Variants in TENM2 observed in about 807,000 individuals in gnomAD.
TENM2 encodes teneurin-2.
A neutral mutation model predicts 245.2 loss-of-function variants in TENM2; 52 were observed. The ratio of observed to expected loss-of-function variants is 0.21; its 90% CI spans 0.17 to 0.27. The LOEUF is 0.27. Among genes scored for constraint, TENM2 ranks in the 10% least tolerant of loss-of-function variants. The probability of loss-of-function intolerance (pLI) is 1.00; values close to 1 mark genes in which losing one functional copy is unlikely to be tolerated. For missense variants in TENM2, 3,046 were observed against 3,666.8 expected (o/e 0.83, Z 4.37); for synonymous variants, 1,363 against 1,438.9 (o/e 0.95, Z 1.19).
chr5:167,114,148 T>C, the TENM2 span, among the ~76,000 whole-genome samples: 2 of 152,208 alleles, frequency 1.3e-5, no homozygotes, highest in African/African-American at 4.8e-5. Context: ...ATTTTGTTTT[T>C]TTGTTCTCCA....
chr5:167,007,096 C>G, the TENM2 span, among the ~76,000 whole-genome samples: 1 of 152,316 alleles, frequency 6.6e-6, no homozygotes, highest in South Asian at 2.1e-4. The surrounding 1 kb of genome is among the most constrained non-coding windows in gnomAD (Gnocchi z 4.2). Context: ...TTTACCCATT[C>G]TCCTGCTACT....
chr5:167,353,829 G>A (rs80063754), intron 1 of TENM2, among the ~76,000 whole-genome samples: 7,111 of 152,180 alleles, frequency 0.047, 546 homozygotes, highest in African/African-American at 0.16. Flanking sequence ...TTATTTAAAA[G>A]AAAATTTTTT....
At chr5:167,413,749 A>T (rs533079024) in intron 2 of TENM2, among the ~76,000 whole-genome samples, 8 of 152,186 alleles carry the variant, frequency 5.3e-5, no homozygotes, top group African/African-American at 1.9e-4. Context: ...ATAACCATCA[A>T]AATAACAGAG....
intron 2 of TENM2, among the ~76,000 whole-genome samples, chr5:167,711,574 C>T (rs1163500960): frequency 6.6e-6 from 1 of 152,218 alleles, no homozygotes; most frequent in Non-Finnish European, 1.5e-5. Context: ...TTGCCAATCA[C>T]ATCCCTTACA....
At chr5:167,491,536 C>T (rs1768427320) in intron 2 of TENM2, among the ~76,000 whole-genome samples, 1 of 152,144 alleles carries the variant, frequency 6.6e-6, no homozygotes. Context: ...GACCCACTGT[C>T]CACAGTACAT....
At chr5:167,756,857 G>C (rs74982774) in intron 2 of TENM2, among the ~76,000 whole-genome samples, 3,610 of 148,114 alleles carry the variant, frequency 0.024, 161 homozygotes, top group African/African-American at 0.084. Flanking sequence ...AACCAAGGCC[G>C]TATTGCCAAA....
chr5:167,558,397 T>G (rs985719258), intron 2 of TENM2, among the ~76,000 whole-genome samples: 2 of 152,162 alleles, frequency 1.3e-5, no homozygotes, highest in African/African-American at 4.8e-5. Flanking sequence ...AAATTGAAAG[T>G]ATAAAAACTG....
chr5:167,621,846 G>A (rs1341273775), intron 2 of TENM2, among the ~76,000 whole-genome samples: 1 of 152,156 alleles, frequency 6.6e-6, no homozygotes, highest in Non-Finnish European at 1.5e-5. Context: ...GCAGGCTTAT[G>A]AATTTGGAAT....
intron 25 of TENM2, among the ~76,000 whole-genome samples, chr5:168,228,977 C>CATAATATACATATAT (rs1764554928): frequency 6.9e-6 from 1 of 144,884 alleles, no homozygotes; most frequent in African/African-American, 2.5e-5. Flanking sequence ...TATACATATA[C>CATAATATACATATAT]GTATACATAA....
intron 3 of TENM2, among the ~76,000 whole-genome samples, chr5:167,944,451 G>T (rs200051383): frequency 6.6e-6 from 1 of 151,510 alleles, no homozygotes; most frequent in African/African-American, 2.4e-5. Flanking sequence ...AAAAAAAAAG[G>T]CCTGCAGGGG....
intron 2 of TENM2, among the ~76,000 whole-genome samples, chr5:167,847,793 G>T (rs1451055076): frequency 6.6e-6 from 1 of 152,056 alleles, no homozygotes; most frequent in Non-Finnish European, 1.5e-5. Flanking sequence ...GGTTTATTTG[G>T]GCCAAACATA....
the TENM2 span, among the ~76,000 whole-genome samples, chr5:167,064,316 T>C: frequency 2.0e-5 from 3 of 152,136 alleles, no homozygotes; most frequent in African/African-American, 7.2e-5. Context: ...TTCAAAAATT[T>C]ATGGAAAATG....
chr5:167,165,927 A>T, the TENM2 span, among the ~76,000 whole-genome samples: 1 of 152,214 alleles, frequency 6.6e-6, no homozygotes, highest in African/African-American at 2.4e-5. Context: ...CTACATATTC[A>T]ACAACCAGAA....
the TENM2 span, among the ~76,000 whole-genome samples, chr5:167,126,230 G>A: frequency 5.9e-5 from 9 of 152,224 alleles, no homozygotes; most frequent in East Asian, 1.9e-4. Context: ...AGGATAGAGC[G>A]TGGGCTTAGG....
intron 2 of TENM2, among the ~76,000 whole-genome samples, chr5:167,665,326 G>A (rs566154507): frequency 2.6e-4 from 39 of 152,058 alleles, no homozygotes; most frequent in African/African-American, 9.2e-4. Context: ...CATTAGTGTC[G>A]GTAGATGTCA....
the TENM2 span, among the ~76,000 whole-genome samples, chr5:167,203,763 ATTTTT>A: frequency 6.6e-6 from 1 of 151,914 alleles, no homozygotes; most frequent in Non-Finnish European, 1.5e-5. Flanking sequence ...CTATTTTCAA[ATTTTT>A]TTTATTTTTA....
rs1007821046 is a variant in TENM2 at position 167,605,352 on chromosome 5, A to G, written c.502+229879A>G. Among the ~76,000 whole-genome samples, 22 of 152,182 alleles carry G rather than the reference A, an allele frequency of 1.4e-4. 1 individual carries two copies. The highest frequency in any genetic ancestry group is 2.6e-4 in the Non-Finnish European group (18 of 68,038). On this transcript the variant is annotated intron_variant, in intron 2 of 28. Coordinates refer to ENST00000518659, the Ensembl canonical transcript of TENM2. ...TATGAATCAGCCTTTGTCTACATGC[A>G]TGGTATAAGGATATGAACCAGGAAT...
chr5:168,158,997 A>G (rs1392017214), intron 12 of TENM2, among the ~76,000 whole-genome samples: 1 of 150,170 alleles, frequency 6.7e-6, no homozygotes, highest in Non-Finnish European at 1.5e-5. Flanking sequence ...AAAAAAAATC[A>G]GCTAGATGTG....
chr5:166,994,844 C>T, the TENM2 span, among the ~76,000 whole-genome samples: 19 of 152,272 alleles, frequency 1.2e-4, no homozygotes, highest in Middle Eastern at 3.4e-3. Flanking sequence ...TCGAGGTCTA[C>T]GTGTCTTTCA....
Sources: gnomAD v4.1 joint callset for allele counts (sites outside exome capture counted in the v4.1 genomes callset) on GRCh38, gnomAD v4.1.1 for gene constraint, Gnocchi (gnomAD v3.1) non-coding constraint, MANE v1.5 for transcripts, NCBI Gene and HGNC (gene_info 2026-07-23, HGNC 2026-07-21) for gene names.